The following PLCB1 variants were observed in gnomAD, a reference collection of about 807,000 sequenced individuals.
PLCB1 encodes 1-phosphatidylinositol 4,5-bisphosphate phosphodiesterase beta-1.
PLCB1 carries 46 observed loss-of-function variants against 161.8 expected under a neutral mutation model. That is an observed-to-expected ratio of 0.28 (90% CI 0.22 to 0.36). The LOEUF is 0.36. Among genes scored for constraint, PLCB1 ranks in the 10% least tolerant of loss-of-function variants. The pLI, the probability that PLCB1 is intolerant of heterozygous loss-of-function variation, is 1.00. For synonymous variants in PLCB1, 517 were observed against 503.7 expected (o/e 1.03, Z -0.35); for missense variants, 1,016 against 1,472.5 (o/e 0.69, Z 5.07).
At chr20:8,593,351 G>A (rs762531372) in intron 3 of PLCB1, among the ~76,000 whole-genome samples, 9 of 151,758 alleles carry the variant, frequency 5.9e-5, no homozygotes, top group Non-Finnish European at 1.2e-4. Flanking sequence ...TTGTGTGTGC[G>A]CGTGTGTGTG....
chr20:8,249,419 CTTG>C (rs974242518), intron 2 of PLCB1: 7 of 151,894 alleles, frequency 4.6e-5, no homozygotes, highest in African/African-American at 1.7e-4. Flanking sequence ...TAATTCATGA[CTTG>C]TTATCATTCT....
chr20:8,649,214 G>T (rs112367516), intron 6 of PLCB1, among the ~76,000 whole-genome samples, 160 bp from the exon 7 acceptor site: 11 of 152,272 alleles, frequency 7.2e-5, no homozygotes, highest in African/African-American at 2.6e-4. Context: ...TCTTTCAGAA[G>T]ACAGATGCAA....
chr20:8,652,520 T>C (rs376901703), intron 7 of PLCB1: 7 of 152,086 alleles, frequency 4.6e-5, no homozygotes, highest in Non-Finnish European at 1.0e-4. Flanking sequence ...CTAGAAAATA[T>C]CCACTAATTA....
chr20:8,731,852 C>G (rs1980264683), intron 18 of PLCB1, among the ~76,000 whole-genome samples: 1 of 150,902 alleles, frequency 6.6e-6, no homozygotes, highest in South Asian at 2.1e-4. Context: ...ATTTTGACAT[C>G]ATAGTTATGT....
intron 3 of PLCB1, among the ~76,000 whole-genome samples, chr20:8,391,579 A>G (rs1987585189): frequency 6.6e-6 from 1 of 151,934 alleles, no homozygotes; most frequent in African/African-American, 2.4e-5. Flanking sequence ...GAGAGAACCC[A>G]GGAAGGTTTA....
intron 3 of PLCB1, among the ~76,000 whole-genome samples, chr20:8,576,340 A>C (rs928107243): frequency 1.2e-4 from 18 of 152,150 alleles, no homozygotes; most frequent in South Asian, 4.1e-4. Context: ...AAATTCTTCC[A>C]GTCTGGGATG....
intron 2 of PLCB1, among the ~76,000 whole-genome samples, chr20:8,309,375 A>G (rs1984287259): frequency 6.6e-6 from 1 of 152,260 alleles, no homozygotes; most frequent in Admixed American, 6.5e-5. Flanking sequence ...TAAGGACAAG[A>G]GAATTCCTAT....
chr20:8,360,108 A>G (rs1021062131), intron 2 of PLCB1, among the ~76,000 whole-genome samples: 2 of 152,162 alleles, frequency 1.3e-5, no homozygotes, highest in African/African-American at 4.8e-5. Flanking sequence ...CCCAACCTCA[A>G]CCTAAGCTAC....
At chr20:8,300,595 G>T (rs1983863026) in intron 2 of PLCB1, among the ~76,000 whole-genome samples, 1 of 152,016 alleles carries the variant, frequency 6.6e-6, no homozygotes, top group South Asian at 2.1e-4. Flanking sequence ...CAATGTGCAG[G>T]TTTGTTACAT....
rs144811884 is a variant in PLCB1 at position 8,691,936 on chromosome 20, G to A, written c.1010-5690G>A. ...TTGAGGAATCTGCCCTATGACTCAAGAAAAAGAAATCTTCCTAGGAAGAAA... is the reference window on the plus strand; with the variant it reads ...TTGAGGAATCTGCCCTATGACTCAAAAAAAAGAAATCTTCCTAGGAAGAAA... On this transcript the variant is annotated intron_variant, in intron 10 of 31. Transcript: ENST00000338037. Among the ~76,000 whole-genome samples, 187 of 152,116 alleles carry A rather than the reference G, an allele frequency of 1.2e-3. 1 individual carries two copies. The highest frequency in any genetic ancestry group is 4.1e-3 in the African/African-American group (172 of 41,500).
At chr20:8,286,723 T>C (rs926090809) in intron 2 of PLCB1, among the ~76,000 whole-genome samples, 34 of 152,234 alleles carry the variant, frequency 2.2e-4, no homozygotes, top group African/African-American at 8.0e-4. Flanking sequence ...TTCTAAGCGC[T>C]GTCCTTCAAT....
chr20:8,422,359 A>C (rs1979575373), intron 3 of PLCB1, among the ~76,000 whole-genome samples: 1 of 152,224 alleles, frequency 6.6e-6, no homozygotes, highest in South Asian at 2.1e-4. Flanking sequence ...ATTTATAAGG[A>C]ATCAAAATGC....
At chr20:8,518,040 G>A (rs1241719738) in intron 3 of PLCB1, among the ~76,000 whole-genome samples, 1 of 151,974 alleles carries the variant, frequency 6.6e-6, no homozygotes, top group Non-Finnish European at 1.5e-5. Context: ...AATTTAGCTG[G>A]GCTTGGTGGC....
chr20:8,368,520 C>A (rs1986792641), intron 2 of PLCB1, among the ~76,000 whole-genome samples: 1 of 107,084 alleles, frequency 9.3e-6, no homozygotes, highest in African/African-American at 3.9e-5. Context: ...GAGTGAGACT[C>A]TGTCTCTCAA....
At chr20:8,534,422 C>T (rs537453618) in intron 3 of PLCB1, among the ~76,000 whole-genome samples, 2 of 152,336 alleles carry the variant, frequency 1.3e-5, no homozygotes, top group Admixed American at 6.5e-5. Flanking sequence ...CCAGCCACTA[C>T]AAAACCTGTC....
intron 2 of PLCB1, among the ~76,000 whole-genome samples, chr20:8,207,591 T>A (rs1978600253): frequency 6.6e-6 from 1 of 152,104 alleles, no homozygotes. Context: ...CTTTTTTAAT[T>A]TTTTTAAGAC....
chr20:8,722,292 C>G (rs1435489484), intron 14 of PLCB1, 62 bp from the exon 15 acceptor site: 2 of 1,261,278 alleles, frequency 1.6e-6, no homozygotes, highest in African/African-American at 1.5e-5. Context: ...ATATGTGTTA[C>G]AAATGCTGTA....
chr20:8,865,023 A>G (rs1167158986), intron 31 of PLCB1, among the ~76,000 whole-genome samples: 1 of 152,240 alleles, frequency 6.6e-6, no homozygotes, highest in Admixed American at 6.5e-5. Context: ...ATAGTGTTTT[A>G]AAACTAATTT....
chr20:8,796,049 T>A (rs1028775292), intron 31 of PLCB1, among the ~76,000 whole-genome samples: 22 of 152,188 alleles, frequency 1.4e-4, no homozygotes, highest in African/African-American at 5.1e-4. Context: ...CATAAAACAG[T>A]CAATAAATGT....
Sources: gnomAD v4.1 joint callset for allele counts (sites outside exome capture counted in the v4.1 genomes callset) on GRCh38, gnomAD v4.1.1 for gene constraint, MANE v1.5 for transcripts, NCBI Gene and HGNC (gene_info 2026-07-23, HGNC 2026-07-21) for gene names.